Variants in MSH4 observed in about 807,000 individuals in gnomAD.
MSH4 encodes the protein mutS protein homolog 4.
MSH4 carries 106 observed loss-of-function variants against 113.7 expected under a neutral mutation model. The observed-to-expected ratio is 0.93, with a 90% CI of 0.80 to 1.10. The LOEUF is 1.10. MSH4 is among the 50% of genes least tolerant of loss of function. The pLI is 0.00. For synonymous variants in MSH4, 368 were observed against 380.2 expected, an observed-to-expected ratio of 0.97 and a Z score of 0.37; for missense variants, 1,061 against 1,093.7, an observed-to-expected ratio of 0.97 and a Z score of 0.42.
intron 19 of MSH4, among the ~76,000 whole-genome samples, chr1:75,905,436 G>T (rs773684915): frequency 1.3e-5 from 2 of 151,810 alleles, no homozygotes; most frequent in Non-Finnish European, 2.9e-5. Context: ...CGACATTTTT[G>T]AATTTATTGA....
rs145144921 is a variant in MSH4, at chr1:75,868,481, G to A, written c.1305+893G>A. Among the ~76,000 whole-genome samples, 984 of 152,146 alleles carry A rather than the reference G, an allele frequency of 6.5e-3. 5 individuals are homozygous for A. The highest frequency in any genetic ancestry group is 0.011 in the Non-Finnish European group (750 of 67,970). ...TTAAATACTACACTGTGTAAAACTTGTTTTTATTGAAGTGATAAAGGGAAC... is the reference window on the plus strand; with the variant it reads ...TTAAATACTACACTGTGTAAAACTTATTTTTATTGAAGTGATAAAGGGAAC... On this transcript the variant is annotated intron_variant, in intron 9 of 19. Coordinates refer to ENST00000263187, the MANE Select transcript of MSH4 (RefSeq NM_002440.4).
rs1056485185 is a variant in MSH4, at chr1:75,822,691, A to G, written c.1162+110A>G. 3.0e-5 allele frequency: 16 copies of G among 534,594 alleles called. No individual in the cohort carries two copies. In the Admixed American group the frequency reaches 7.0e-4, roughly 23 times the overall value. 33.1% of individuals were successfully genotyped at this position (534,594 alleles called of 1,614,324 possible). ...AAGTAGTGAAGGTGTTAATTCTTGT[A>G]TTCTTTTATGGAAAATATTTTCCTG... On this transcript the variant is annotated intron_variant, in intron 7 of 19. Transcript: ENST00000263187.
intron 6 of MSH4, among the ~76,000 whole-genome samples, chr1:75,822,078 G>A (rs1489136847): frequency 6.6e-6 from 1 of 152,062 alleles, no homozygotes; most frequent in Non-Finnish European, 1.5e-5. Context: ...TCAGGAGATG[G>A]AGACCATCCT....
At chr1:75,906,459 T>TATAA (rs1457376454) in intron 19 of MSH4, among the ~76,000 whole-genome samples, 1 of 5,738 alleles carries the variant, frequency 1.7e-4, no homozygotes, top group Non-Finnish European at 3.0e-4. Context: ...ATATACAATA[T>TATAA]TATATATATT....
intron 8 of MSH4, among the ~76,000 whole-genome samples, chr1:75,864,884 ACT>A (rs898931141): frequency 6.6e-6 from 1 of 151,852 alleles, no homozygotes; most frequent in African/African-American, 2.4e-5. Flanking sequence ...AGCAGCTGAG[ACT>A]CTGCTTTCTG....
chr1:75,866,798 T>G (rs898390729), intron 8 of MSH4, among the ~76,000 whole-genome samples: 1 of 151,766 alleles, frequency 6.6e-6, no homozygotes, highest in African/African-American at 2.4e-5. Flanking sequence ...CTAGCCAACA[T>G]GGTGAAACCC....
chr1:75,805,901 A>G (rs1650049025), intron 2 of MSH4, among the ~76,000 whole-genome samples: 1 of 152,070 alleles, frequency 6.6e-6, no homozygotes, highest in South Asian at 2.1e-4. Flanking sequence ...TCATTATCAT[A>G]ATAAATTGTA....
chr1:75,821,743 G>T (rs1048758540), intron 6 of MSH4, among the ~76,000 whole-genome samples: 1 of 152,156 alleles, frequency 6.6e-6, no homozygotes, highest in East Asian at 1.9e-4. Flanking sequence ...TGACTAACTG[G>T]GACTAAAGGC....
At chr1:75,828,944 G>C (rs1650619035) in intron 7 of MSH4, among the ~76,000 whole-genome samples, 1 of 152,108 alleles carries the variant, frequency 6.6e-6, no homozygotes, top group African/African-American at 2.4e-5. Flanking sequence ...ATCTCACTGG[G>C]GCTTGTCAGA....
chr1:75,810,772 A>C lies in MSH4; in HGVS notation c.664A>C (p.Thr222Pro). The C allele has an allele frequency of 1.9e-6, 3 of 1,591,270 alleles. No homozygotes were observed. The highest frequency in any genetic ancestry group is 3.5e-5 in the Admixed American group (2 of 56,392). The change falls in exon 4 of 20, where the codon ACC becomes CCC. Residue 222 changes from threonine to proline, a missense_variant. Thr to Pro is a conservative substitution (Grantham distance 38). Coordinates refer to ENST00000263187, the MANE Select transcript of MSH4 (RefSeq NM_002440.4). ...SNTACAVGNSTKLFTLITENF... is the reference protein window; with the variant it reads ...SNTACAVGNSPKLFTLITENF... Reference sequence around the variant, plus strand: ...TACTGCTTGTGCTGTGGGGAATTCCACCAAGTTGTTCACTCTGATCACAGA... The same window carrying C: ...TACTGCTTGTGCTGTGGGGAATTCCCCCAAGTTGTTCACTCTGATCACAGA...
chr1:75,874,569 G>A (rs1651776783), intron 9 of MSH4, among the ~76,000 whole-genome samples: 1 of 152,084 alleles, frequency 6.6e-6, no homozygotes, highest in Non-Finnish European at 1.5e-5. Flanking sequence ...CAATCCACCT[G>A]CCTCATCCTC....
chr1:75,904,227 G>A (rs1652571322), intron 19 of MSH4, among the ~76,000 whole-genome samples: 1 of 152,064 alleles, frequency 6.6e-6, no homozygotes, highest in Non-Finnish European at 1.5e-5. Context: ...GTGTAATCAT[G>A]GTGAATGATC....
chr1:75,820,828 AG>A (rs1225826755), intron 6 of MSH4, among the ~76,000 whole-genome samples: 2 of 152,044 alleles, frequency 1.3e-5, no homozygotes, highest in Non-Finnish European at 2.9e-5. Flanking sequence ...ATAATGGTAA[AG>A]GGATCAATTC....
chr1:75,865,851 T>C (rs776483161), intron 8 of MSH4, among the ~76,000 whole-genome samples: 11 of 152,234 alleles, frequency 7.2e-5, no homozygotes, highest in Non-Finnish European at 1.5e-4. Context: ...ACAATCCATC[T>C]GGAATTAATT....
At chr1:75,852,175 A>C (rs1306317006) in intron 8 of MSH4, among the ~76,000 whole-genome samples, 1 of 152,224 alleles carries the variant, frequency 6.6e-6, no homozygotes, top group Admixed American at 6.5e-5. Flanking sequence ...TTAACTTAGC[A>C]TAACGTTTTC....
At position 75,807,107 on chromosome 1, in the gene MSH4, T is replaced by G; in HGVS notation, c.554T>G (p.Leu185Arg). Reference protein sequence around the residue: ...SIDLKNPQIILSQFADNTTYA... With the variant: ...SIDLKNPQIIRSQFADNTTYA... ...GATTTAAAAAACCCCCAAATTATAC[T>G]ATCCCAGTTTGCAGACAACACAACA... The change falls in exon 3 of 20, where the codon CTA (leucine) becomes CGA (arginine). Residue 185 changes from leucine to arginine, a missense_variant. Leu to Arg is a moderately radical substitution (Grantham distance 102). Transcript: ENST00000263187. 1 of 1,573,596 alleles carries G rather than the reference T, an allele frequency of 6.4e-7. No homozygotes were observed. The highest frequency in any genetic ancestry group is 1.2e-5 in the South Asian group (1 of 82,664).
At chr1:75,875,301 A>G (rs946718474) in intron 9 of MSH4, among the ~76,000 whole-genome samples, 1 of 152,220 alleles carries the variant, frequency 6.6e-6, no homozygotes, top group African/African-American at 2.4e-5. Flanking sequence ...AGTAATGACG[A>G]TGAAGATGAT....
intron 19 of MSH4, among the ~76,000 whole-genome samples, chr1:75,903,510 A>C (rs1332539675): frequency 6.6e-6 from 1 of 151,898 alleles, no homozygotes; most frequent in African/African-American, 2.4e-5. Flanking sequence ...TGACTATTTG[A>C]AGTATTTTGT....
At chr1:75,847,128 C>T (rs1011267561) in intron 7 of MSH4, among the ~76,000 whole-genome samples, 3 of 152,148 alleles carry the variant, frequency 2.0e-5, no homozygotes, top group Non-Finnish European at 4.4e-5. Context: ...AACCCACTCT[C>T]ATGATAATAG....
Sources: gnomAD v4.1 joint callset for allele counts (sites outside exome capture counted in the v4.1 genomes callset) on GRCh38, gnomAD v4.1.1 for gene constraint, MANE v1.5 for transcripts, NCBI Gene and HGNC (gene_info 2026-07-23, HGNC 2026-07-21) for gene names.